RORA: variants seen among roughly 807,000 people sequenced by gnomAD.
The protein encoded by RORA is nuclear receptor ROR-alpha.
A neutral mutation model predicts 69.5 loss-of-function variants in RORA; 7 were observed. That is an observed-to-expected ratio of 0.10 (90% CI 0.06 to 0.19). The LOEUF (loss-of-function observed/expected upper bound fraction) is 0.19, where lower values mean the gene tolerates loss of function less well. Among genes scored for constraint, RORA ranks in the 10% least tolerant of loss-of-function variants. The probability of loss-of-function intolerance (pLI) is 1.00; values close to 1 mark genes in which losing one functional copy is unlikely to be tolerated. For missense variants in RORA, 457 were observed against 663.0 expected, an observed-to-expected ratio of 0.69 and a Z score of 3.41; for synonymous variants, 261 against 240.8, an observed-to-expected ratio of 1.08 and a Z score of -0.78.
At chr15:60,870,947 A>G (rs539239585) in intron 1 of RORA, among the ~76,000 whole-genome samples, 1 of 152,318 alleles carries the variant, frequency 6.6e-6, no homozygotes, top group East Asian at 1.9e-4. Context: ...TAACTCTCTC[A>G]GTTACTCTAC....
intron 1 of RORA, among the ~76,000 whole-genome samples, chr15:61,146,683 CA>C (rs1379938355): frequency 6.6e-6 from 1 of 152,112 alleles, no homozygotes; most frequent in African/African-American, 2.4e-5. Context: ...AGAAAAGCAA[CA>C]AAAAATAATT....
chr15:60,577,912 G>C (rs2068074229), intron 2 of RORA, among the ~76,000 whole-genome samples: 1 of 152,252 alleles, frequency 6.6e-6, no homozygotes, highest in East Asian at 1.9e-4. Flanking sequence ...GATTCTCATA[G>C]CTGCTTCTGC....
At chr15:61,037,139 T>C (rs1896497774) in intron 1 of RORA, among the ~76,000 whole-genome samples, 1 of 152,180 alleles carries the variant, frequency 6.6e-6, no homozygotes, top group Non-Finnish European at 1.5e-5. Context: ...TGTGCTTCAG[T>C]CTCCTTATCT....
At chr15:61,051,777 C>T (rs2078018070) in intron 1 of RORA, among the ~76,000 whole-genome samples, 1 of 152,212 alleles carries the variant, frequency 6.6e-6, no homozygotes, top group South Asian at 2.1e-4. Context: ...GGCTTCAAAA[C>T]ATTTCTTGTG....
At chr15:61,016,171 C>T (rs1427699891) in intron 1 of RORA, among the ~76,000 whole-genome samples, 1 of 152,166 alleles carries the variant, frequency 6.6e-6, no homozygotes, top group African/African-American at 2.4e-5. Context: ...CTCTCTACAT[C>T]TCAGTCTTCT....
chr15:60,996,488 A>G (rs969740429), intron 1 of RORA, among the ~76,000 whole-genome samples: 1 of 152,264 alleles, frequency 6.6e-6, no homozygotes, highest in Non-Finnish European at 1.5e-5. Context: ...TCAAAATTAA[A>G]GAATTTTAGG....
intron 10 of RORA, 57 bp downstream of exon 10, chr15:60,499,835 A>G (rs1489746239): frequency 5.4e-6 from 5 of 930,530 alleles, no homozygotes; most frequent in Non-Finnish European, 5.1e-6. Flanking sequence ...TATTGGCAGC[A>G]TGATTTGTGC....
chr15:60,666,632 T>A (rs1312788996), intron 2 of RORA, among the ~76,000 whole-genome samples: 2 of 152,208 alleles, frequency 1.3e-5, no homozygotes, highest in Non-Finnish European at 2.9e-5. Flanking sequence ...CGGCAGATGC[T>A]ACTTGTGTTG....
intron 1 of RORA, among the ~76,000 whole-genome samples, chr15:60,824,239 T>C (rs1255157091): frequency 6.6e-6 from 1 of 152,206 alleles, no homozygotes; most frequent in East Asian, 1.9e-4. Flanking sequence ...ACATTCTTGA[T>C]TCAACCAGGC....
intron 2 of RORA, among the ~76,000 whole-genome samples, chr15:60,542,560 C>G (rs1177854573): frequency 1.6e-5 from 2 of 123,670 alleles, no homozygotes; most frequent in Admixed American, 7.2e-5. Flanking sequence ...ATGCACACCT[C>G]ACACACACGG....
chr15:61,083,446 ATGGGGTAATTAAT>A (rs1306716324), intron 1 of RORA, among the ~76,000 whole-genome samples: 1 of 152,118 alleles, frequency 6.6e-6, no homozygotes. Flanking sequence ...ACTTTTTGGA[ATGGGGTAATTAAT>A]TCCTTAGTCC....
chr15:60,809,142 C>T (rs534397623), intron 1 of RORA, among the ~76,000 whole-genome samples: 5 of 151,868 alleles, frequency 3.3e-5, no homozygotes, highest in South Asian at 4.2e-4. Flanking sequence ...TGTAACCAAA[C>T]GCCACTTGTT....
chr15:60,672,924 C>T (rs1346962073), intron 2 of RORA, among the ~76,000 whole-genome samples: 1 of 152,174 alleles, frequency 6.6e-6, no homozygotes, highest in Non-Finnish European at 1.5e-5. Context: ...ATGTCATAGA[C>T]ATCTAGCGCT....
intron 1 of RORA, among the ~76,000 whole-genome samples, chr15:60,902,629 G>A (rs1328185827): frequency 6.6e-6 from 1 of 152,218 alleles, no homozygotes; most frequent in African/African-American, 2.4e-5. Context: ...CAAGAAGAGA[G>A]TGGTAAGGTG....
rs553647169 is a variant in RORA at position 60,960,099 on chromosome 15, T to C, written c.166+268954A>G. 8.4e-4 allele frequency among the ~76,000 whole-genome samples: 128 copies of C among 152,310 alleles called. 1 individual carries two copies. The highest frequency in any genetic ancestry group is 2.8e-3 in the African/African-American group (117 of 41,560). On this transcript the variant is annotated intron_variant, in intron 1 of 10. Coordinates refer to ENST00000335670, the MANE Select transcript of RORA (RefSeq NM_134261.3). ...AAAAAAATTGCCTGAAACTAGGATA[T>C]GAGGTTCTGGACACTTCCTGGTTTA...
At chr15:60,930,374 G>T (rs565302958) in intron 1 of RORA, among the ~76,000 whole-genome samples, 1 of 152,286 alleles carries the variant, frequency 6.6e-6, no homozygotes, top group South Asian at 2.1e-4. Flanking sequence ...TAAGCCGAGA[G>T]ACAGAAAGAT....
At chr15:61,130,066 G>A (rs909686747) in intron 1 of RORA, among the ~76,000 whole-genome samples, 1 of 152,226 alleles carries the variant, frequency 6.6e-6, no homozygotes, top group Admixed American at 6.5e-5. Flanking sequence ...AAAACAGGAA[G>A]AAAGCAGAAA....
At chr15:60,518,960 G>C (rs2066061283) in intron 3 of RORA, among the ~76,000 whole-genome samples, 1 of 152,236 alleles carries the variant, frequency 6.6e-6, no homozygotes, top group African/African-American at 2.4e-5. Flanking sequence ...TTTTGAGAGA[G>C]AGAAGGGAAG....
At chr15:60,916,169 G>C (rs1025894836) in intron 1 of RORA, among the ~76,000 whole-genome samples, 3 of 152,224 alleles carry the variant, frequency 2.0e-5, no homozygotes, top group African/African-American at 4.8e-5. Context: ...GGCTGTTCCT[G>C]TATGTGTCGT....
Sources: allele counts gnomAD v4.1 joint callset (sites outside exome capture counted in the v4.1 genomes callset), GRCh38; gene constraint gnomAD v4.1.1; transcripts MANE v1.5; gene names NCBI Gene and HGNC (gene_info 2026-07-23, HGNC 2026-07-21).